Variants in CDH4 observed in about 807,000 individuals in gnomAD.
CDH4 encodes the protein cadherin 4, also known as cadherin-4.
A neutral mutation model predicts 86.0 loss-of-function variants in CDH4; 33 were observed. The observed-to-expected ratio is 0.38, with a 90% confidence interval of 0.29 to 0.51. The LOEUF is 0.51. Ranked by LOEUF, CDH4 falls within the 20% of genes least tolerant of loss-of-function variation. The probability of loss-of-function intolerance (pLI) is 0.86; values close to 1 mark genes in which losing one functional copy is unlikely to be tolerated. For missense variants in CDH4, 1,114 were observed against 1,307.4 expected, an observed-to-expected ratio of 0.85 and a Z score of 2.28; for synonymous variants, 555 against 549.4, an observed-to-expected ratio of 1.01 and a Z score of -0.14.
At chr20:61,702,141 T>G (rs1358574446) in intron 2 of CDH4, among the ~76,000 whole-genome samples, 3 of 152,240 alleles carry the variant, frequency 2.0e-5, no homozygotes, top group African/African-American at 7.2e-5. Context: ...TGTTGAGTGG[T>G]TCTCATGCTG....
intron 2 of CDH4, among the ~76,000 whole-genome samples, chr20:61,691,910 TTAAAA>T (rs1433656535): frequency 6.6e-6 from 1 of 152,242 alleles, no homozygotes; most frequent in Admixed American, 6.5e-5. Context: ...GTTTGAGTCC[TTAAAA>T]TAAACTAGCA....
chr20:61,905,497 G>A (rs1402504837), intron 8 of CDH4, among the ~76,000 whole-genome samples: 1 of 152,142 alleles, frequency 6.6e-6, no homozygotes. Context: ...CAGAGGATGT[G>A]AGGGGCCACA....
In CDH4 at chr20:61,854,614, C is replaced by T. The variant is rs143879542; in HGVS notation, c.877+1716C>T. 1.4e-3 allele frequency among the ~76,000 whole-genome samples: 198 copies of T among 142,876 alleles called. 2 individuals are homozygous for T. In the East Asian group the frequency reaches 0.034, roughly 25 times the overall value. The allele number at this position is 142,876 out of a possible 152,430, so 93.7% of individuals were successfully genotyped here. Reference sequence around the variant, plus strand: ...TGCCCTTGGTCCGCCCCCAGGGCTGCAGTGTGAACAGGGTGAATTGCACCT... The same window carrying T: ...TGCCCTTGGTCCGCCCCCAGGGCTGTAGTGTGAACAGGGTGAATTGCACCT... On this transcript the variant is annotated intron_variant, in intron 6 of 15. Transcript: ENST00000614565.
At chr20:61,535,150 T>C (rs2085987115) in intron 2 of CDH4, among the ~76,000 whole-genome samples, 1 of 152,232 alleles carries the variant, frequency 6.6e-6, no homozygotes, top group African/African-American at 2.4e-5. Flanking sequence ...TACTGAAACC[T>C]GTGACTGGGC....
chr20:61,566,287 C>G (rs2086297402), intron 2 of CDH4, among the ~76,000 whole-genome samples: 1 of 152,216 alleles, frequency 6.6e-6, no homozygotes, highest in Admixed American at 6.5e-5. Flanking sequence ...CCAAGTGTTT[C>G]TCGCCTTTCC....
At chr20:61,446,985 G>C (rs1036135832) in intron 2 of CDH4, among the ~76,000 whole-genome samples, 12 of 152,082 alleles carry the variant, frequency 7.9e-5, no homozygotes, top group Non-Finnish European at 1.3e-4. Flanking sequence ...TTTGGATTTT[G>C]TGTGTGTTTA....
intron 2 of CDH4, among the ~76,000 whole-genome samples, chr20:61,349,166 G>A (rs559258045): frequency 5.6e-4 from 85 of 152,334 alleles, no homozygotes; most frequent in African/African-American, 1.7e-3. Flanking sequence ...CTCAGGAACC[G>A]GCCTGCAGCC....
In CDH4 at chr20:61,681,466, TG is replaced by T. The variant is rs1315862183; in HGVS notation, c.170-62096del. Among the ~76,000 whole-genome samples the T allele has an allele frequency of 6.6e-6, 1 of 152,214 alleles. No homozygotes were observed. The highest frequency in any genetic ancestry group is 2.4e-5 in the African/African-American group (1 of 41,460). ...GTATTTCAAGGGATCTGTTGGCTTC[TG>T]AGCTCTTGTTCTGAGGGGTGGGAGA... On this transcript the variant is annotated intron_variant, in intron 2 of 15. Coordinates refer to ENST00000614565, the MANE Select transcript of CDH4 (RefSeq NM_001794.5). This position sits in a 1 kb window ranked among gnomAD's most constrained non-coding sequence, Gnocchi z 4.5.
At chr20:61,538,478 C>A (rs1421842611) in intron 2 of CDH4, among the ~76,000 whole-genome samples, 1 of 152,198 alleles carries the variant, frequency 6.6e-6, no homozygotes, top group Non-Finnish European at 1.5e-5. Context: ...CCACTCCTGA[C>A]CTCATCCTTC....
intron 7 of CDH4, among the ~76,000 whole-genome samples, chr20:61,882,839 A>G (rs8113920): frequency 0.45 from 61,118 of 134,486 alleles, 14,084 homozygotes; most frequent in African/African-American, 0.66. Flanking sequence ...GCCCCTTCCT[A>G]TCTTCTGAGA....
At chr20:61,398,207 A>G (rs943280080) in intron 2 of CDH4, among the ~76,000 whole-genome samples, 3 of 152,244 alleles carry the variant, frequency 2.0e-5, no homozygotes, top group African/African-American at 7.2e-5. Context: ...TCCGGCTTTA[A>G]ATATTGACAG....
At chr20:61,409,658 G>A (rs1041687428) in intron 2 of CDH4, among the ~76,000 whole-genome samples, 6 of 152,234 alleles carry the variant, frequency 3.9e-5, no homozygotes, top group Admixed American at 3.3e-4. Context: ...TGTGACACAG[G>A]TTGGTCGCAG....
intron 6 of CDH4, among the ~76,000 whole-genome samples, chr20:61,859,593 G>T (rs1983225440): frequency 6.6e-6 from 1 of 152,234 alleles, no homozygotes; most frequent in South Asian, 2.1e-4. Flanking sequence ...GTAGATCCAG[G>T]TGTATTTTTT....
intron 2 of CDH4, among the ~76,000 whole-genome samples, chr20:61,314,278 C>G (rs1263279841): frequency 6.6e-6 from 1 of 152,208 alleles, no homozygotes; most frequent in Non-Finnish European, 1.5e-5. Context: ...CCCCTCTCCC[C>G]ACTCCCAGCC....
intron 6 of CDH4, among the ~76,000 whole-genome samples, chr20:61,872,712 C>T (rs1983860209): frequency 1.3e-5 from 2 of 152,266 alleles, no homozygotes; most frequent in African/African-American, 4.8e-5. Context: ...AGAGCCAGGG[C>T]AGGAACACCG....
chr20:61,739,744 C>T (rs2088310453), intron 2 of CDH4, among the ~76,000 whole-genome samples: 1 of 152,218 alleles, frequency 6.6e-6, no homozygotes, highest in East Asian at 1.9e-4. Flanking sequence ...CCACTGCTGG[C>T]CAGAGCCAAG....
chr20:61,878,434 T>TTCATGTCA (rs1984137814), intron 7 of CDH4, among the ~76,000 whole-genome samples: 1 of 152,206 alleles, frequency 6.6e-6, no homozygotes, highest in African/African-American at 2.4e-5. Context: ...ACCAAAGGTG[T>TTCATGTCA]TCATGTCATT....
At chr20:61,378,958 G>T (rs901890920) in intron 2 of CDH4, among the ~76,000 whole-genome samples, 10 of 152,154 alleles carry the variant, frequency 6.6e-5, no homozygotes, top group African/African-American at 2.4e-4. Context: ...TTTACTGAGG[G>T]CTCAGCTGTA....
At chr20:61,746,605 T>C (rs919686580) in intron 3 of CDH4, among the ~76,000 whole-genome samples, 2 of 152,178 alleles carry the variant, frequency 1.3e-5, no homozygotes, top group African/African-American at 4.8e-5. Context: ...AGGGTGTGGG[T>C]GCACGGCAAG....
Sources: gnomAD v4.1 joint callset for allele counts (sites outside exome capture counted in the v4.1 genomes callset) on GRCh38, gnomAD v4.1.1 for gene constraint, Gnocchi (gnomAD v3.1) non-coding constraint, MANE v1.5 for transcripts, NCBI Gene and HGNC (gene_info 2026-07-23, HGNC 2026-07-21) for gene names.